HDLBP: variants seen among roughly 807,000 people sequenced by gnomAD.
HDLBP encodes vigilin.
Under a neutral mutation model 137.3 loss-of-function variants are expected in HDLBP, and 30 were observed. That is an observed-to-expected ratio of 0.22 (90% CI 0.16 to 0.30). The LOEUF is 0.30. Ranked by LOEUF, HDLBP falls within the 10% of genes least tolerant of loss-of-function variation. The pLI is 1.00. For synonymous variants in HDLBP, 606 were observed against 596.0 expected (o/e 1.02, Z -0.24); for missense variants, 1,119 against 1,667.3 (o/e 0.67, Z 5.73).
In HDLBP at chr2:241,248,283, C is replaced by G; in HGVS notation, c.1578G>C (p.Lys526Asn). 1 of 1,614,132 alleles carries G rather than the reference C, an allele frequency of 6.2e-7. No individual in the cohort carries two copies. The highest frequency in any genetic ancestry group is 8.5e-7 in the Non-Finnish European group (1 of 1,179,972). The change falls in exon 13 of 28, where the codon AAG becomes AAC. Residue 526 changes from lysine to asparagine, a missense_variant. By Grantham distance (94) the Lys-to-Asn change is moderately conservative. Coordinates refer to ENST00000310931, the MANE Select transcript of HDLBP (RefSeq NM_005336.6). ...CACGAATTTCACGGATCCGTTCACC[C>G]TTCTGCCCAATGATTGTGCGATGAA... ...QRFHRTIIGQKGERIREIRDK... is the reference protein window; with the variant it reads ...QRFHRTIIGQNGERIREIRDK...
intron 1 of HDLBP, among the ~76,000 whole-genome samples, chr2:241,281,673 T>C (rs1015930302): frequency 2.0e-5 from 3 of 152,232 alleles, no homozygotes; most frequent in Admixed American, 2.0e-4. Context: ...TTTAAAATGA[T>C]ATGTGCTGTA....
At chr2:241,260,755 C>T (rs536875672) in intron 5 of HDLBP, among the ~76,000 whole-genome samples, 100 of 152,246 alleles carry the variant, frequency 6.6e-4, no homozygotes, top group Admixed American at 1.1e-3. Flanking sequence ...ACAGACTCAG[C>T]ACCACCTACA....
intron 1 of HDLBP, among the ~76,000 whole-genome samples, chr2:241,310,199 G>C (rs2075718849): frequency 6.6e-6 from 1 of 152,196 alleles, no homozygotes; most frequent in Non-Finnish European, 1.5e-5. Context: ...AATAGGAATA[G>C]AGGGAACAAG....
Position 241,241,322 on chromosome 2 carries a change from C to T in HDLBP, c.2169+1138G>A, listed in dbSNP as rs564414478. Among the ~76,000 whole-genome samples the T allele has an allele frequency of 5.3e-5, 8 of 152,198 alleles. No homozygotes were observed. In the East Asian group the frequency reaches 1.5e-3, roughly 29 times the overall value. On this transcript the variant is annotated intron_variant, in intron 17 of 27. Coordinates refer to ENST00000310931, the MANE Select transcript of HDLBP (RefSeq NM_005336.6). ...GTGGCTCACGCCTGTAATCCCAGCACTTTGGGAGGCCGAGGCGGGCGGATC... is the reference window on the plus strand; with the variant it reads ...GTGGCTCACGCCTGTAATCCCAGCATTTTGGGAGGCCGAGGCGGGCGGATC...
At chr2:241,236,455 C>A (rs777047711) in intron 21 of HDLBP, 160 bp downstream of exon 21, 14 of 715,626 alleles carry the variant, frequency 2.0e-5, no homozygotes, top group Non-Finnish European at 2.9e-5. Context: ...CTGTGTCCAG[C>A]CGAGAAGCAC....
chr2:241,293,407 T>C (rs1392586975), intron 1 of HDLBP, among the ~76,000 whole-genome samples: 1 of 152,092 alleles, frequency 6.6e-6, no homozygotes, highest in African/African-American at 2.4e-5. Context: ...GGCAGGAGGA[T>C]CCCTTGAGCC....
At chr2:241,311,077 G>A (rs774307525) in intron 1 of HDLBP, among the ~76,000 whole-genome samples, 18 of 151,698 alleles carry the variant, frequency 1.2e-4, no homozygotes, top group South Asian at 2.1e-4. Context: ...CAGCGCCACC[G>A]CACTACAGCC....
Position 241,233,877 on chromosome 2 carries a change from T to C in HDLBP, c.3231A>G (p.Gln1077=), listed in dbSNP as rs768105559. The C allele has an allele frequency of 1.9e-6, 3 of 1,614,056 alleles. No homozygotes were observed. In the East Asian group the frequency reaches 6.7e-5, roughly 36 times the overall value. ...TGTTCACGTCATGCTCCAACCGGAT[T>C]TGGGTAATTACTGCCCCCTTTCTCC... ...IIGRKGAVIT[Q]IRLEHDVNIQ... The change falls in exon 24 of 28, where the codon CAA becomes CAG. Residue 1077 remains glutamine, a synonymous_variant. Transcript: ENST00000310931. The surrounding 1 kb of genome is among the most constrained non-coding windows in gnomAD (Gnocchi z 4.3).
At chr2:241,284,810 C>T in intron 1 of HDLBP, among the ~76,000 whole-genome samples, 1 of 152,200 alleles carries the variant, frequency 6.6e-6, no homozygotes, top group East Asian at 1.9e-4. Context: ...AAAGCGAGAC[C>T]TTCCAGCAGC....
chr2:241,230,168 A>G lies in HDLBP; in HGVS notation c.3576T>C (p.Asn1192=), dbSNP rs2149308775. ...AGAGACTCACGTATTCCTCCTCCAG[A>G]TTGAGGATGTGGTCGATGGCTTCCT... is the stretch of plus-strand genomic sequence containing the variant. The part of the protein sequence containing the change: ...NVEEAIDHIL[N]LEEEYLADVV... The change falls in exon 26 of 28, where the codon AAT becomes AAC. Residue 1192 remains asparagine (N), a synonymous_variant. Transcript: ENST00000310931. The surrounding 1 kb of genome is among the most constrained non-coding windows in gnomAD (Gnocchi z 5.0). 1.2e-6 allele frequency: 2 copies of G among 1,612,416 alleles called. No homozygotes were observed. Among genetic ancestry groups the G allele is most frequent in the Non-Finnish European group, 8.5e-7 (1 of 1,178,574 alleles).
Position 241,239,774 on chromosome 2 carries a change from C to T in HDLBP, c.2438G>A (p.Arg813His), listed in dbSNP as rs750987672. Residue 813 changes from arginine to histidine, a missense_variant, in exon 19 of 28, where the codon CGC (arginine) becomes CAC (histidine). Physicochemically the swap from Arg to His is conservative, Grantham distance 29. Coordinates refer to ENST00000310931, the MANE Select transcript of HDLBP (RefSeq NM_005336.6). This position sits in a 1 kb window ranked among gnomAD's most constrained non-coding sequence, Gnocchi z 4.6. ...DSMLVDPKHHRHFVIRRGQVL... is the reference protein window; with the variant it reads ...DSMLVDPKHHHHFVIRRGQVL... ...CTGGCCTCTGCGGATGACGAAGTGG[C>T]GGTGGTGCTTGGGGTCCACCAGCAT... 2.5e-6 allele frequency: 4 copies of T among 1,614,076 alleles called. No homozygotes were observed. The highest frequency in any genetic ancestry group is 2.2e-5 in the East Asian group (1 of 44,888).
At position 241,272,261 on chromosome 2, in the gene HDLBP, G is replaced by C. The variant is rs901207914; in HGVS notation, c.-102-3720C>G. On this transcript the variant is annotated intron_variant, in intron 1 of 27. Coordinates refer to ENST00000310931, the MANE Select transcript of HDLBP (RefSeq NM_005336.6). The surrounding 1 kb of genome is among the most constrained non-coding windows in gnomAD (Gnocchi z 5.6). ...CCCCCGCCCCGCCGCCACCTGGGGG[G>C]AAGGACCCCGCTGGCCTCCCAGGGA... 1.0e-6 allele frequency: 1 copy of C among 972,120 alleles called. No individual in the cohort carries two copies. The highest frequency in any genetic ancestry group is 1.2e-6 in the Non-Finnish European group (1 of 818,198). 60.2% of individuals were successfully genotyped at this position (972,120 alleles called of 1,614,324 possible).
intron 1 of HDLBP, among the ~76,000 whole-genome samples, chr2:241,307,234 C>T (rs1225652141): frequency 6.6e-6 from 1 of 152,184 alleles, no homozygotes; most frequent in Non-Finnish European, 1.5e-5. Context: ...TCTGAGACTA[C>T]AACAGAGGGA....
chr2:241,283,696 G>C (rs936609132), intron 1 of HDLBP, among the ~76,000 whole-genome samples: 36 of 151,982 alleles, frequency 2.4e-4, no homozygotes, highest in African/African-American at 8.7e-4. Flanking sequence ...GGATGGTCTC[G>C]ATCTCCTGAC....
At position 241,239,406 on chromosome 2, in the gene HDLBP, G is replaced by T. The variant is rs930969793; in HGVS notation, c.2610+196C>A. ...TTTTTTTAAGTGCTTCTCGCAGGCA[G>T]AATTCTCACCAACTATCAGGAAGGA... On this transcript the variant is annotated intron_variant, in intron 19 of 27. Coordinates refer to ENST00000310931, the MANE Select transcript of HDLBP (RefSeq NM_005336.6). This position sits in a 1 kb window ranked among gnomAD's most constrained non-coding sequence, Gnocchi z 4.6. Among the ~76,000 whole-genome samples the T allele has an allele frequency of 6.6e-6, 1 of 151,082 alleles. No homozygotes were observed. The highest frequency in any genetic ancestry group is 1.5e-5 in the Non-Finnish European group (1 of 67,868).
chr2:241,294,661 C>T (rs1392606131), intron 1 of HDLBP, among the ~76,000 whole-genome samples: 1 of 151,944 alleles, frequency 6.6e-6, no homozygotes, highest in Non-Finnish European at 1.5e-5. Context: ...GCTATATTGC[C>T]CAAGCTAGAA....
At chr2:241,265,310 C>T (rs1259369517) in intron 3 of HDLBP, among the ~76,000 whole-genome samples, 3 of 152,064 alleles carry the variant, frequency 2.0e-5, no homozygotes, top group Non-Finnish European at 4.4e-5. Flanking sequence ...CCCAGCTACT[C>T]GGGAGGCTGA....
chr2:241,295,476 T>G (rs2075143648), intron 1 of HDLBP, among the ~76,000 whole-genome samples: 1 of 152,132 alleles, frequency 6.6e-6, no homozygotes, highest in Non-Finnish European at 1.5e-5. Flanking sequence ...ACAAAAATTT[T>G]ACACACACAC....
chr2:241,244,664 C>T (rs1341116113), intron 16 of HDLBP, among the ~76,000 whole-genome samples: 2 of 152,106 alleles, frequency 1.3e-5, no homozygotes, highest in African/African-American at 4.8e-5. Flanking sequence ...ATACACACTA[C>T]GAGAGATGTT....
Sources: allele counts gnomAD v4.1 joint callset (sites outside exome capture counted in the v4.1 genomes callset), GRCh38; gene constraint gnomAD v4.1.1; non-coding constraint Gnocchi (gnomAD v3.1); transcripts MANE v1.5; gene names NCBI Gene and HGNC (gene_info 2026-07-23, HGNC 2026-07-21).